The following MTR variants were observed in gnomAD, a reference collection of about 807,000 sequenced individuals.
MTR encodes methionine synthase.
MTR carries 84 observed loss-of-function variants against 154.8 expected under a neutral mutation model. The ratio of observed to expected loss-of-function variants is 0.54; its 90% CI spans 0.45 to 0.65. The LOEUF (loss-of-function observed/expected upper bound fraction) is 0.65. MTR is among the 30% of genes least tolerant of loss of function. MTR has a pLI of 0.00. For synonymous variants in MTR, 554 were observed against 553.9 expected, an observed-to-expected ratio of 1.00 and a Z score of 0.00; for missense variants, 1,275 against 1,570.2, an observed-to-expected ratio of 0.81 and a Z score of 3.18.
chr1:236,895,587 C>T lies in MTR; in HGVS notation c.3598+37C>T, dbSNP rs748072070. Reference sequence around the variant, plus strand: ...GAGGCTGCGGGTTCCTGTCTTCCTTCTTCAGTAGATACTCTTATCAGCATA... The same window carrying T: ...GAGGCTGCGGGTTCCTGTCTTCCTTTTTCAGTAGATACTCTTATCAGCATA... On this transcript the variant is annotated intron_variant, in intron 31 of 32. Transcript: ENST00000366577. 3.2e-6 allele frequency: 5 copies of T among 1,547,774 alleles called. No homozygotes were observed. In the South Asian group the frequency reaches 3.6e-5, roughly 11 times the overall value.
intron 19 of MTR, among the ~76,000 whole-genome samples, chr1:236,860,362 G>T (rs1664465113): frequency 6.6e-6 from 1 of 151,580 alleles, no homozygotes; most frequent in Non-Finnish European, 1.5e-5. Flanking sequence ...CTTGGCTTCA[G>T]TTTCCTCATG....
At chr1:236,859,968 C>T (rs1664426357) in intron 19 of MTR, 46 bp downstream of exon 19, 1 of 1,496,858 alleles carries the variant, frequency 6.7e-7, no homozygotes, top group African/African-American at 1.4e-5. Context: ...CTCATCATGG[C>T]TGACTGATCC....
chr1:236,842,045 C>T (rs1663277360), intron 15 of MTR, among the ~76,000 whole-genome samples: 1 of 152,166 alleles, frequency 6.6e-6, no homozygotes, highest in African/African-American at 2.4e-5. Context: ...GCACCCGCCA[C>T]CTTACTCGGC....
chr1:236,819,703 C>T (rs1661811201), intron 8 of MTR: 2 of 701,642 alleles, frequency 2.9e-6, no homozygotes, highest in African/African-American at 1.7e-5. Flanking sequence ...ACAGCAGGAA[C>T]CCATTTAGGT....
chr1:236,879,075 C>CTGTTAAAAACA (rs1665586924), intron 24 of MTR, among the ~76,000 whole-genome samples: 1 of 152,220 alleles, frequency 6.6e-6, no homozygotes, highest in Non-Finnish European at 1.5e-5. Context: ...CTTGAGAAGC[C>CTGTTAAAAACA]TGTTAAAAAC....
At chr1:236,851,262 A>G (rs1341649237) in intron 16 of MTR, among the ~76,000 whole-genome samples, 1 of 152,166 alleles carries the variant, frequency 6.6e-6, no homozygotes, top group Admixed American at 6.5e-5. Context: ...TTCTTATTTC[A>G]GCTCTCATCC....
intron 18 of MTR, among the ~76,000 whole-genome samples, chr1:236,858,472 AGGGCATT>A (rs1172662830): frequency 2.6e-5 from 4 of 152,218 alleles, no homozygotes; most frequent in Non-Finnish European, 4.4e-5. Flanking sequence ...CCATCTCATC[AGGGCATT>A]GGATGGCATG....
At position 236,894,279 on chromosome 1, in the gene MTR, G is replaced by A. The variant is rs1002879264; in HGVS notation, c.3205-78G>A. 26 of 1,379,890 alleles carry A rather than the reference G, an allele frequency of 1.9e-5. No individual in the cohort carries two copies. In the African/African-American group the frequency reaches 2.4e-4, roughly 13 times the overall value. 85.5% of individuals were successfully genotyped at this position (1,379,890 alleles called of 1,614,324 possible). ...AGCTTATTCTCATTTGACGATACCC[G>A]ATTGCTCTTCATGGTGTGCTGGCGC... On this transcript the variant is annotated intron_variant, in intron 29 of 32. Transcript: ENST00000366577.
chr1:236,857,557 C>T (rs951629973), intron 18 of MTR, among the ~76,000 whole-genome samples: 1 of 152,228 alleles, frequency 6.6e-6, no homozygotes. Context: ...AAACATTACT[C>T]CAGCAAAATC....
At chr1:236,819,873 A>G in intron 8 of MTR, 1 of 800,508 alleles carries the variant, frequency 1.2e-6, no homozygotes. Flanking sequence ...CATATCCTCC[A>G]GGAATACTGG....
At chr1:236,880,064 G>A (rs1665642311) in intron 24 of MTR, among the ~76,000 whole-genome samples, 1 of 152,170 alleles carries the variant, frequency 6.6e-6, no homozygotes, top group Admixed American at 6.5e-5. Flanking sequence ...GGGAGGCTGA[G>A]GCAGGAGAAT....
chr1:236,839,079 T>C (rs1158118981), intron 15 of MTR, among the ~76,000 whole-genome samples: 1 of 152,266 alleles, frequency 6.6e-6, no homozygotes, highest in East Asian at 1.9e-4. Context: ...TGATCCATCA[T>C]TGACTTAAGT....
rs116929180 is a variant in MTR at position 236,804,378 on chromosome 1, G to T, written c.249+736G>T. On this transcript the variant is annotated intron_variant, in intron 2 of 32. Coordinates refer to ENST00000366577, the MANE Select transcript of MTR (RefSeq NM_000254.3). ...GCTGTCTATGAACTAGAAAGCTGGCGCTCACCCATTATAAAATTCTAAGAT... is the reference window on the plus strand; with the variant it reads ...GCTGTCTATGAACTAGAAAGCTGGCTCTCACCCATTATAAAATTCTAAGAT... Among the ~76,000 whole-genome samples, 184 of 152,210 alleles carry T rather than the reference G, an allele frequency of 1.2e-3. 5 individuals are homozygous for T. The East Asian group carries it at 0.033, about 27-fold the overall frequency.
chr1:236,871,854 T>TA (rs1318967995), intron 22 of MTR, among the ~76,000 whole-genome samples: 1 of 152,110 alleles, frequency 6.6e-6, no homozygotes, highest in Admixed American at 6.5e-5. Context: ...TAACTTTTTT[T>TA]AAAAAAGTAA....
Position 236,795,687 on chromosome 1 carries a change from G to A in MTR, c.-17G>A. 1 of 1,614,048 alleles carries A rather than the reference G, an allele frequency of 6.2e-7. No homozygotes were observed. The highest frequency in any genetic ancestry group is 8.5e-7 in the Non-Finnish European group (1 of 1,180,018). ...CTTCTCTGCCGCGCCCTCTGCGCAA[G>A]GAGGAGACTCGACAACATGTCACCC... On this transcript the variant is annotated 5_prime_UTR_variant, in exon 1 of 33. Coordinates refer to ENST00000366577, the MANE Select transcript of MTR (RefSeq NM_000254.3).
In MTR at chr1:236,795,749, A is replaced by T. The variant is rs1205665679; in HGVS notation, c.34+12A>T. 6.2e-7 allele frequency: 1 copy of T among 1,612,840 alleles called. No homozygotes were observed. The highest frequency in any genetic ancestry group is 2.2e-5 in the East Asian group (1 of 44,812). On this transcript the variant is annotated intron_variant, in intron 1 of 32. Transcript: ENST00000366577. ...CCTGTCGCAACCCGGTAACGCTGCGACCCCGTCTGCGTGGTTGGGTTGTGT... is the reference window on the plus strand; with the variant it reads ...CCTGTCGCAACCCGGTAACGCTGCGTCCCCGTCTGCGTGGTTGGGTTGTGT...
intron 16 of MTR, among the ~76,000 whole-genome samples, chr1:236,851,458 A>G (rs1043490439): frequency 2.1e-5 from 3 of 143,292 alleles, no homozygotes; most frequent in Non-Finnish European, 4.4e-5. Flanking sequence ...GACATGAATT[A>G]TAGTGCCATT....
chr1:236,800,322 T>C (rs1308731234), intron 1 of MTR: 1 of 985,328 alleles, frequency 1.0e-6, no homozygotes, highest in Non-Finnish European at 1.2e-6. Flanking sequence ...CTTTTAAATA[T>C]GAAATTTCAT....
chr1:236,825,279 A>G (rs1662224126), intron 9 of MTR, 59 bp from the exon 10 acceptor site: 4 of 1,276,924 alleles, frequency 3.1e-6, no homozygotes, highest in Non-Finnish European at 4.6e-6. Context: ...AAAGTCTTTA[A>G]AAATACAGTG....
Sources: gnomAD v4.1 joint callset for allele counts (sites outside exome capture counted in the v4.1 genomes callset) on GRCh38, gnomAD v4.1.1 for gene constraint, MANE v1.5 for transcripts, NCBI Gene and HGNC (gene_info 2026-07-23, HGNC 2026-07-21) for gene names.